Variants in OSTF1 observed in about 807,000 individuals in gnomAD.
OSTF1 encodes osteoclast stimulating factor 1.
Under a neutral mutation model 37.2 loss-of-function variants are expected in OSTF1, and 27 were observed. The observed-to-expected ratio is 0.73, with a 90% confidence interval of 0.54 to 1.00. The LOEUF (loss-of-function observed/expected upper bound fraction) is 1.00, where lower values mean the gene tolerates loss of function less well. OSTF1 is among the 50% of genes least tolerant of loss of function. The pLI, the probability that OSTF1 is intolerant of heterozygous loss-of-function variation, is 0.00. For synonymous variants in OSTF1, 82 were observed against 89.2 expected (o/e 0.92, Z 0.46); for missense variants, 232 against 253.8 (o/e 0.91, Z 0.58).
rs970443751 is a variant in OSTF1, at chr9:75,112,210, A to G, written c.35-5294A>G. Among the ~76,000 whole-genome samples the G allele has an allele frequency of 4.6e-4, 70 of 151,778 alleles. 1 individual carries two copies. Among genetic ancestry groups the G allele is most frequent in the Non-Finnish European group, 1.0e-4 (7 of 67,988 alleles). On this transcript the variant is annotated intron_variant, in intron 1 of 9. Transcript: ENST00000346234. ...CTTCCCCTTGATACTCTGTAAATGT[A>G]TAGACCTATAGAACATTGCTCAAAA...
At chr9:75,131,667 C>T in intron 4 of OSTF1, 103 bp from the exon 5 acceptor site, 2 of 807,362 alleles carry the variant, frequency 2.5e-6, no homozygotes, top group Non-Finnish European at 4.4e-6. Flanking sequence ...TGTTGAATGC[C>T]CTGGTACTCC....
At chr9:75,102,715 G>A (rs1439634664) in intron 1 of OSTF1, among the ~76,000 whole-genome samples, 1 of 152,102 alleles carries the variant, frequency 6.6e-6, no homozygotes, top group Admixed American at 6.6e-5. Context: ...GCCTGATCCT[G>A]CCCCCTTTTG....
chr9:75,093,728 T>G (rs1213793662), intron 1 of OSTF1, among the ~76,000 whole-genome samples: 1 of 152,230 alleles, frequency 6.6e-6, no homozygotes, highest in Admixed American at 6.5e-5. Context: ...ATGAACTTAA[T>G]TTTTATGTAT....
chr9:75,146,612 A>G lies in OSTF1; in HGVS notation c.587-71A>G. 3 of 1,036,530 alleles carry G rather than the reference A, an allele frequency of 2.9e-6. No individual in the cohort carries two copies. In the East Asian group the frequency reaches 7.2e-5, roughly 25 times the overall value. The allele number at this position is 1,036,530 out of a possible 1,614,324, so 64.2% of individuals were successfully genotyped here. Reference sequence around the variant, plus strand: ...ATTCTATTCTAATTTAAGAGCTTTGAAAATGAAAAAATAAAATCTGAGCAG... The same window carrying G: ...ATTCTATTCTAATTTAAGAGCTTTGGAAATGAAAAAATAAAATCTGAGCAG... On this transcript the variant is annotated intron_variant, in intron 9 of 9. Transcript: ENST00000346234.
chr9:75,113,115 A>T (rs1261020967), intron 1 of OSTF1, among the ~76,000 whole-genome samples: 1 of 152,068 alleles, frequency 6.6e-6, no homozygotes, highest in Non-Finnish European at 1.5e-5. Flanking sequence ...TGGAATTCTG[A>T]TGGTGAAAAG....
At chr9:75,098,031 T>C (rs533600431) in intron 1 of OSTF1, among the ~76,000 whole-genome samples, 1 of 152,114 alleles carries the variant, frequency 6.6e-6, no homozygotes, top group African/African-American at 2.4e-5. Flanking sequence ...CTAATTTTTG[T>C]ATTTTTTGTA....
At chr9:75,101,145 ATCTCGAC>A (rs1292420839) in intron 1 of OSTF1, among the ~76,000 whole-genome samples, 1 of 152,024 alleles carries the variant, frequency 6.6e-6, no homozygotes, top group Admixed American at 6.6e-5. Flanking sequence ...CCCGTAAACA[ATCTCGAC>A]TCTCAGGACC....
chr9:75,139,057 T>TCCTTCCTTCC (rs1554774439), intron 8 of OSTF1, among the ~76,000 whole-genome samples: 5 of 138,592 alleles, frequency 3.6e-5, no homozygotes, highest in African/African-American at 1.5e-4. Context: ...TTTCTTTCTT[T>TCCTTCCTTCC]TTTTTTTGAA....
intron 1 of OSTF1, among the ~76,000 whole-genome samples, chr9:75,106,971 G>GA (rs916634369): frequency 1.8e-5 from 2 of 108,278 alleles, no homozygotes; most frequent in African/African-American, 6.7e-5. Flanking sequence ...AAAAGAAAAA[G>GA]AAAAAGAAAA....
At chr9:75,141,295 T>A in intron 9 of OSTF1, among the ~76,000 whole-genome samples, 1 of 82,388 alleles carries the variant, frequency 1.2e-5, no homozygotes, top group African/African-American at 4.7e-5. Flanking sequence ...CAAGACCATA[T>A]CTCAAAAAAA....
chr9:75,144,130 C>G (rs970006086), intron 9 of OSTF1, among the ~76,000 whole-genome samples: 2 of 152,198 alleles, frequency 1.3e-5, no homozygotes, highest in African/African-American at 4.8e-5. Context: ...ACATGAAGTC[C>G]TGAAGGTCCT....
intron 1 of OSTF1, among the ~76,000 whole-genome samples, chr9:75,103,120 C>T (rs746767701): frequency 7.6e-6 from 1 of 132,272 alleles, no homozygotes; most frequent in Non-Finnish European, 1.6e-5. Flanking sequence ...TACTCTATCC[C>T]TACAAAAAAT....
intron 2 of OSTF1, among the ~76,000 whole-genome samples, chr9:75,119,857 G>A (rs1305555525): frequency 1.3e-5 from 2 of 152,048 alleles, no homozygotes; most frequent in African/African-American, 4.8e-5. Flanking sequence ...CCAGCTACTC[G>A]GGAGACCGAG....
At chr9:75,101,395 G>T (rs982140820) in intron 1 of OSTF1, among the ~76,000 whole-genome samples, 1 of 152,206 alleles carries the variant, frequency 6.6e-6, no homozygotes, top group Admixed American at 6.5e-5. Context: ...TCAGTTTAAA[G>T]GCTGTTGTCT....
intron 1 of OSTF1, among the ~76,000 whole-genome samples, chr9:75,095,790 C>T (rs1178574664): frequency 6.6e-6 from 1 of 152,176 alleles, no homozygotes; most frequent in Non-Finnish European, 1.5e-5. Flanking sequence ...ATCTGTTTCT[C>T]AGTGTTAACA....
At chr9:75,098,513 C>A (rs886193388) in intron 1 of OSTF1, among the ~76,000 whole-genome samples, 3 of 151,998 alleles carry the variant, frequency 2.0e-5, no homozygotes, top group Non-Finnish European at 4.4e-5. Flanking sequence ...TGCACAGATT[C>A]CAAGGAGACC....
intron 1 of OSTF1, among the ~76,000 whole-genome samples, chr9:75,096,864 T>G (rs1197609591): frequency 6.6e-6 from 1 of 152,192 alleles, no homozygotes; most frequent in Non-Finnish European, 1.5e-5. Context: ...ATTTGGAGGA[T>G]CTCGGAGTCT....
At chr9:75,131,710 T>G (rs1284171835) in intron 4 of OSTF1, 60 bp from the exon 5 acceptor site, 2 of 1,286,088 alleles carry the variant, frequency 1.6e-6, no homozygotes, top group African/African-American at 2.9e-5. Flanking sequence ...ATGAGTGGCT[T>G]CAGTAAATCA....
chr9:75,100,849 C>T (rs562046941), intron 1 of OSTF1, among the ~76,000 whole-genome samples: 5 of 152,244 alleles, frequency 3.3e-5, no homozygotes, highest in African/African-American at 1.2e-4. Context: ...CTCTCCCCCA[C>T]CTTCCAGGTG....
Sources: gnomAD v4.1 joint callset for allele counts (sites outside exome capture counted in the v4.1 genomes callset) on GRCh38, gnomAD v4.1.1 for gene constraint, MANE v1.5 for transcripts, NCBI Gene and HGNC (gene_info 2026-07-23, HGNC 2026-07-21) for gene names.